Variants in IPMK observed in about 807,000 individuals in gnomAD.
The protein encoded by IPMK is inositol polyphosphate multikinase.
IPMK carries 17 observed loss-of-function variants against 45.8 expected under a neutral mutation model. The ratio of observed to expected loss-of-function variants is 0.37; its 90% CI spans 0.25 to 0.56. The LOEUF (loss-of-function observed/expected upper bound fraction) is 0.56, where lower values mean the gene tolerates loss of function less well. Among genes scored for constraint, IPMK ranks in the 20% least tolerant of loss-of-function variants. The pLI is 0.79. For synonymous variants in IPMK, 180 were observed against 184.3 expected (o/e 0.98, Z 0.19); for missense variants, 399 against 498.0 (o/e 0.80, Z 1.89).
chr10:58,219,027 T>TA (rs924555668), intron 3 of IPMK, among the ~76,000 whole-genome samples: 44 of 152,220 alleles, frequency 2.9e-4, no homozygotes, highest in African/African-American at 1.1e-3. Flanking sequence ...GATATTTTGT[T>TA]AGACTATCCA....
chr10:58,265,653 A>G (rs1002744805), intron 1 of IPMK, among the ~76,000 whole-genome samples: 3 of 152,190 alleles, frequency 2.0e-5, no homozygotes, highest in African/African-American at 7.2e-5. Context: ...TACTCAAAAG[A>G]CCCTTATGAA....
intron 2 of IPMK, among the ~76,000 whole-genome samples, chr10:58,235,407 G>A (rs1473555079): frequency 2.0e-5 from 3 of 152,126 alleles, no homozygotes; most frequent in Non-Finnish European, 4.4e-5. Context: ...CAAAGACTTG[G>A]AACCAACCCA....
intron 4 of IPMK, chr10:58,212,657 GC>G (rs1838182953): frequency 4.2e-6 from 1 of 236,818 alleles, no homozygotes; most frequent in Admixed American, 4.2e-5. Context: ...AGAACTAGTA[GC>G]TTTTGCAATC....
In IPMK at chr10:58,199,319, A is replaced by T. The variant is rs1358675449; in HGVS notation, c.549T>A (p.Val183=). Residue 183 remains valine, a splice_region_variant and synonymous_variant, in exon 5 of 6, where the codon GTT becomes GTA. Transcript: ENST00000373935. ...CATAGCTATCGGAATGAACATGATA[A>T]ACCTGTCAAAAAAAGCAGTGAATAT... The part of the protein sequence containing the change: ...EIGFLVLGMR[V]YHVHSDSYET... The T allele has an allele frequency of 6.3e-7, 1 of 1,598,134 alleles. No individual in the cohort carries two copies. Among genetic ancestry groups the T allele is most frequent in the East Asian group, 2.2e-5 (1 of 44,568 alleles).
At chr10:58,264,498 C>CT (rs1839119767) in intron 1 of IPMK, among the ~76,000 whole-genome samples, 1 of 152,100 alleles carries the variant, frequency 6.6e-6, no homozygotes, top group African/African-American at 2.4e-5. Context: ...TTGTTTAAAA[C>CT]TTTAAGGACT....
rs1588977274 is a variant in IPMK, at chr10:58,267,616, G to A, written c.-5C>T. 6.3e-7 allele frequency: 1 copy of A among 1,582,990 alleles called. No homozygotes were observed. The highest frequency in any genetic ancestry group is 8.6e-7 in the Non-Finnish European group (1 of 1,162,606). On this transcript the variant is annotated 5_prime_UTR_variant, in exon 1 of 6. Coordinates refer to ENST00000373935, the MANE Select transcript of IPMK (RefSeq NM_152230.5). ...GGATGGTGGCTCTGTTGCCATAACG[G>A]AGAGCAGAAGCGGTAACGGCAGCGA...
At chr10:58,221,800 G>A (rs1380941662) in intron 3 of IPMK, among the ~76,000 whole-genome samples, 2 of 151,912 alleles carry the variant, frequency 1.3e-5, no homozygotes, top group African/African-American at 2.4e-5. Flanking sequence ...CCAGGCTGGA[G>A]TGCAGTGGTG....
intron 4 of IPMK, among the ~76,000 whole-genome samples, chr10:58,208,265 C>A (rs1838102280): frequency 6.6e-6 from 1 of 152,000 alleles, no homozygotes; most frequent in African/African-American, 2.4e-5. Context: ...AAGTTGCTTT[C>A]CACCTTTCTC....
chr10:58,216,139 T>C lies in IPMK; in HGVS notation c.546+6A>G, dbSNP rs1301134017. 1 of 1,591,250 alleles carries C rather than the reference T, an allele frequency of 6.3e-7. No individual in the cohort carries two copies. On this transcript the variant is annotated splice_donor_region_variant and intron_variant, in intron 4 of 5. Coordinates refer to ENST00000373935, the MANE Select transcript of IPMK (RefSeq NM_152230.5). ...ATGTGCATATTATACTAATAAGCAC[T>C]CTTACCCTCATGCCAAGCACCAAGA...
chr10:58,237,766 G>A lies in IPMK; in HGVS notation c.239C>T (p.Pro80Leu), dbSNP rs1280732101. 4 of 1,613,420 alleles carry A rather than the reference G, an allele frequency of 2.5e-6. No individual in the cohort carries two copies. Among genetic ancestry groups the A allele is most frequent in the Admixed American group, 1.7e-5 (1 of 59,986 alleles). ...TTCCAGCTCTCTTGGGCCCCTTGGA[G>A]GTGGTTGTAACTGTTTCAAAACTGT... Reference protein sequence around the residue: ...DGTVLKQLQPPPRGPRELEFY... With the variant: ...DGTVLKQLQPLPRGPRELEFY... Residue 80 changes from proline (P) to leucine (L), a missense_variant, in exon 2 of 6, where the codon CCT becomes CTT. Coordinates refer to ENST00000373935, the MANE Select transcript of IPMK (RefSeq NM_152230.5).
intron 4 of IPMK, among the ~76,000 whole-genome samples, 180 bp downstream of exon 4, chr10:58,215,965 G>A (rs1838238684): frequency 1.3e-5 from 2 of 151,362 alleles, no homozygotes; most frequent in Admixed American, 1.3e-4. Flanking sequence ...CCATATATCA[G>A]TGAACAAAAA....
intron 4 of IPMK, among the ~76,000 whole-genome samples, chr10:58,204,373 C>T (rs1838042881): frequency 6.6e-6 from 1 of 152,104 alleles, no homozygotes; most frequent in South Asian, 2.1e-4. Flanking sequence ...CAAGCTCCAG[C>T]TTTTCCTCGT....
At chr10:58,231,410 G>C (rs902661811) in intron 2 of IPMK, among the ~76,000 whole-genome samples, 3 of 152,172 alleles carry the variant, frequency 2.0e-5, no homozygotes, top group Non-Finnish European at 4.4e-5. Flanking sequence ...AGGAAAAAGT[G>C]TCAAGGACAG....
chr10:58,212,720 G>A, intron 4 of IPMK: 1 of 243,812 alleles, frequency 4.1e-6, no homozygotes. Flanking sequence ...TCTGGTCTCT[G>A]TTCTTCAAGT....
chr10:58,255,480 G>GT, intron 1 of IPMK, among the ~76,000 whole-genome samples: 1 of 152,208 alleles, frequency 6.6e-6, no homozygotes, highest in East Asian at 1.9e-4. Context: ...TTTCTCTCAG[G>GT]TCTGTGGATA....
chr10:58,227,023 A>C lies in IPMK; in HGVS notation c.373+20T>G, dbSNP rs1340679021. The C allele has an allele frequency of 6.5e-7, 1 of 1,545,846 alleles. No individual in the cohort carries two copies. The highest frequency in any genetic ancestry group is 1.4e-5 in the African/African-American group (1 of 73,316). ...CACTCATGAATTAAAACTGAAAGAT[A>C]ATTTTTATGACAAGATTACCGTTTG... On this transcript the variant is annotated intron_variant, in intron 3 of 5. Coordinates refer to ENST00000373935, the MANE Select transcript of IPMK (RefSeq NM_152230.5).
At chr10:58,257,109 T>C (rs1403514674) in intron 1 of IPMK, among the ~76,000 whole-genome samples, 1 of 152,174 alleles carries the variant, frequency 6.6e-6, no homozygotes, top group African/African-American at 2.4e-5. Context: ...TTGCTTTTAT[T>C]ATTAGAAAAG....
At chr10:58,197,342 A>AATAAAT (rs59150683) in intron 5 of IPMK, among the ~76,000 whole-genome samples, 4 of 115,260 alleles carry the variant, frequency 3.5e-5, no homozygotes, top group African/African-American at 1.9e-4. Context: ...TAAATACATA[A>AATAAAT]ACACATAAAT....
intron 2 of IPMK, among the ~76,000 whole-genome samples, chr10:58,231,804 CAGG>C (rs1235695985): frequency 6.6e-6 from 1 of 152,144 alleles, no homozygotes; most frequent in Admixed American, 6.5e-5. Context: ...ATCATAATGA[CAGG>C]ATCAAATTCA....
Sources: gnomAD v4.1 joint callset for allele counts (sites outside exome capture counted in the v4.1 genomes callset) on GRCh38, gnomAD v4.1.1 for gene constraint, MANE v1.5 for transcripts, NCBI Gene and HGNC (gene_info 2026-07-23, HGNC 2026-07-21) for gene names.